ASAP1: variants seen among roughly 807,000 people sequenced by gnomAD.
ASAP1 encodes the protein arf-GAP with SH3 domain, ANK repeat and PH domain-containing protein 1.
Under a neutral mutation model 145.2 loss-of-function variants are expected in ASAP1, and 43 were observed. That is an observed-to-expected ratio of 0.30 (90% CI 0.23 to 0.38). The LOEUF (loss-of-function observed/expected upper bound fraction) is 0.38, where lower values mean the gene tolerates loss of function less well. ASAP1 is among the 10% of genes least tolerant of loss of function. The pLI, the probability that ASAP1 is intolerant of heterozygous loss-of-function variation, is 1.00. For synonymous variants in ASAP1, 546 were observed against 515.5 expected, an observed-to-expected ratio of 1.06 and a Z score of -0.80; for missense variants, 1,018 against 1,355.3, an observed-to-expected ratio of 0.75 and a Z score of 3.91.
chr8:130,095,191 G>A (rs1286817474), intron 24 of ASAP1, among the ~76,000 whole-genome samples: 1 of 152,046 alleles, frequency 6.6e-6, no homozygotes, highest in Non-Finnish European at 1.5e-5. Flanking sequence ...ATAAGACTGG[G>A]AGAGTTGTAT....
rs138997730 is a variant in ASAP1 at position 130,293,869 on chromosome 8, G to A, written c.187-56875C>T. 3.4e-3 allele frequency among the ~76,000 whole-genome samples: 520 copies of A among 152,296 alleles called. 1 individual carries two copies. The highest frequency in any genetic ancestry group is 5.9e-3 in the Non-Finnish European group (398 of 68,018). ...AATGACTCACCAACATTTACTGAAT[G>A]TGCACCATGTGCCTTGCAATGGCCT... On this transcript the variant is annotated intron_variant, in intron 3 of 29. Coordinates refer to ENST00000518721, the MANE Select transcript of ASAP1 (RefSeq NM_018482.4).
At chr8:130,182,437 A>G (rs1328234849) in intron 7 of ASAP1, among the ~76,000 whole-genome samples, 3 of 152,176 alleles carry the variant, frequency 2.0e-5, no homozygotes, top group African/African-American at 7.2e-5. Flanking sequence ...AAATGCCACC[A>G]TATGTGATTA....
At chr8:130,206,340 A>G (rs1816219571) in intron 5 of ASAP1, among the ~76,000 whole-genome samples, 1 of 152,122 alleles carries the variant, frequency 6.6e-6, no homozygotes, top group Non-Finnish European at 1.5e-5. Context: ...CATGCTCTCC[A>G]TACTTTTTAA....
intron 13 of ASAP1, among the ~76,000 whole-genome samples, chr8:130,145,756 G>A (rs956310484): frequency 6.6e-6 from 1 of 151,960 alleles, no homozygotes; most frequent in Admixed American, 6.6e-5. Context: ...CTATTTGAGA[G>A]ATGTGGAAAA....
chr8:130,355,148 G>C (rs1468482540), intron 3 of ASAP1, among the ~76,000 whole-genome samples: 2 of 152,050 alleles, frequency 1.3e-5, no homozygotes, highest in East Asian at 3.9e-4. Flanking sequence ...CAAAGTGCTG[G>C]GATTACAGGT....
At chr8:130,274,877 C>T (rs940776259) in intron 3 of ASAP1, among the ~76,000 whole-genome samples, 4 of 152,156 alleles carry the variant, frequency 2.6e-5, no homozygotes, top group Admixed American at 1.3e-4. Flanking sequence ...TTTCTGTATA[C>T]CTGTGGGTGG....
intron 2 of ASAP1, among the ~76,000 whole-genome samples, chr8:130,389,727 G>GTC (rs1236154649): frequency 6.6e-6 from 1 of 152,048 alleles, no homozygotes; most frequent in African/African-American, 2.4e-5. Flanking sequence ...CTGAGACAGG[G>GTC]TCTCCTTCCG....
chr8:130,167,329 C>A, intron 11 of ASAP1: 1 of 649,272 alleles, frequency 1.5e-6, no homozygotes, highest in African/African-American at 1.8e-5. Context: ...AAAAAAAATC[C>A]AGAGTCATGG....
intron 1 of ASAP1, among the ~76,000 whole-genome samples, chr8:130,424,138 C>T (rs1452119559): frequency 6.6e-6 from 1 of 152,002 alleles, no homozygotes; most frequent in Non-Finnish European, 1.5e-5. Flanking sequence ...CTATAAAAGG[C>T]CTTGAGGTTA....
At chr8:130,249,013 C>T (rs1006441320) in intron 3 of ASAP1, among the ~76,000 whole-genome samples, 1 of 152,166 alleles carries the variant, frequency 6.6e-6, no homozygotes, top group Non-Finnish European at 1.5e-5. Flanking sequence ...ATCCTCCTGC[C>T]TCAGCTTCCA....
At chr8:130,166,848 G>A (rs2097680892) in intron 11 of ASAP1, among the ~76,000 whole-genome samples, 1 of 152,320 alleles carries the variant, frequency 6.6e-6, no homozygotes, top group African/African-American at 2.4e-5. Context: ...GTGGGGCAAA[G>A]CTTCTGTAGG....
intron 3 of ASAP1, among the ~76,000 whole-genome samples, chr8:130,314,924 A>G (rs1276697987): frequency 6.6e-6 from 1 of 152,192 alleles, no homozygotes; most frequent in Non-Finnish European, 1.5e-5. Flanking sequence ...GAGAGAGAGA[A>G]AAAGTGGGTT....
intron 27 of ASAP1, among the ~76,000 whole-genome samples, chr8:130,072,830 C>CACGCGCGCGCACGCGCG (rs1554816438): frequency 3.1e-5 from 1 of 31,920 alleles, no homozygotes; most frequent in Non-Finnish European, 5.3e-5. Flanking sequence ...TGTGTGCGCG[C>CACGCGCGCGCACGCGCG]GGGGGGGGGC....
chr8:130,197,739 C>T (rs996913743), intron 5 of ASAP1, among the ~76,000 whole-genome samples: 6 of 152,226 alleles, frequency 3.9e-5, no homozygotes, highest in African/African-American at 1.4e-4. Context: ...TAGGGAATCC[C>T]AGGAGTAGTA....
At chr8:130,056,610 T>C (rs1390315990) in intron 29 of ASAP1, among the ~76,000 whole-genome samples, 2 of 152,240 alleles carry the variant, frequency 1.3e-5, no homozygotes, top group African/African-American at 4.8e-5. Flanking sequence ...TGATTAAGAA[T>C]CTGAGGTCAC....
chr8:130,431,436 A>G (rs982004150), intron 1 of ASAP1, among the ~76,000 whole-genome samples: 1 of 152,180 alleles, frequency 6.6e-6, no homozygotes, highest in Non-Finnish European at 1.5e-5. Flanking sequence ...TCCAACCATA[A>G]CGAACCACTT....
intron 23 of ASAP1, among the ~76,000 whole-genome samples, chr8:130,112,983 T>C (rs965233565): frequency 3.9e-5 from 6 of 152,196 alleles, no homozygotes; most frequent in African/African-American, 1.2e-4. Flanking sequence ...AAATATCCCT[T>C]GAAGCCCCTC....
At chr8:130,160,750 A>G (rs764616565) in intron 11 of ASAP1, 8 of 1,239,580 alleles carry the variant, frequency 6.5e-6, no homozygotes, top group South Asian at 3.9e-5. Context: ...ACATACAAGT[A>G]GGACAATATA....
intron 1 of ASAP1, among the ~76,000 whole-genome samples, chr8:130,409,828 T>A (rs1259468604): frequency 1.3e-5 from 2 of 152,202 alleles, no homozygotes; most frequent in South Asian, 2.1e-4. Context: ...TATACACTCA[T>A]GACAACTGTG....
Sources: allele counts gnomAD v4.1 joint callset (sites outside exome capture counted in the v4.1 genomes callset), GRCh38; gene constraint gnomAD v4.1.1; transcripts MANE v1.5; gene names NCBI Gene and HGNC (gene_info 2026-07-23, HGNC 2026-07-21).